The following GREM2 variants were observed in gnomAD, a reference collection of about 807,000 sequenced individuals.
The protein encoded by GREM2 is gremlin 2, DAN family BMP antagonist.
Under a neutral mutation model 14.2 loss-of-function variants are expected in GREM2, and 11 were observed. The ratio of observed to expected loss-of-function variants is 0.78; its 90% CI spans 0.49 to 1.28. The LOEUF (loss-of-function observed/expected upper bound fraction) is 1.28, where lower values mean the gene tolerates loss of function less well. Among genes scored for constraint, GREM2 ranks in the 50% most tolerant of loss-of-function variants. The pLI, the probability that GREM2 is intolerant of heterozygous loss-of-function variation, is 0.00. For missense variants in GREM2, 210 were observed against 218.5 expected, an observed-to-expected ratio of 0.96 and a Z score of 0.24; for synonymous variants, 98 against 97.6, an observed-to-expected ratio of 1.00 and a Z score of -0.02.
chr1:240,564,110 G>A (rs888420345), intron 1 of GREM2, among the ~76,000 whole-genome samples: 4 of 152,166 alleles, frequency 2.6e-5, no homozygotes, highest in Admixed American at 6.5e-5. Context: ...TCTGGAGGCT[G>A]AGGCAGGAGG....
At chr1:240,579,464 G>C in intron 1 of GREM2, among the ~76,000 whole-genome samples, 1 of 152,148 alleles carries the variant, frequency 6.6e-6, no homozygotes, top group Non-Finnish European at 1.5e-5. Flanking sequence ...CTACGTCACA[G>C]GGTAGAGGTG....
chr1:240,532,541 A>G (rs1332238961), intron 1 of GREM2, among the ~76,000 whole-genome samples: 1 of 152,208 alleles, frequency 6.6e-6, no homozygotes, highest in Non-Finnish European at 1.5e-5. Flanking sequence ...AGTACAATTT[A>G]AAGCAATCTG....
chr1:240,547,436 G>C (rs973902202), intron 1 of GREM2, among the ~76,000 whole-genome samples: 1 of 149,206 alleles, frequency 6.7e-6, no homozygotes, highest in Non-Finnish European at 1.5e-5. Context: ...GGAGGTGGAG[G>C]TTGCAGTGAG....
chr1:240,546,910 A>G (rs1272849715), intron 1 of GREM2, among the ~76,000 whole-genome samples: 1 of 152,236 alleles, frequency 6.6e-6, no homozygotes, highest in Non-Finnish European at 1.5e-5. Context: ...GTATAAAAAT[A>G]CATAGCAACA....
In GREM2 at chr1:240,489,631, T is replaced by A. The variant is rs1011998911; in HGVS notation, c.*3338A>T. 3 of 152,246 alleles carry A rather than the reference T, an allele frequency of 2.0e-5. No homozygotes were observed. The highest frequency in any genetic ancestry group is 7.2e-5 in the African/African-American group (3 of 41,464). 9.4% of individuals were successfully genotyped at this position (152,246 alleles called of 1,614,324 possible). A position where few individuals can be genotyped will look rare whatever the true frequency, so the allele number is the denominator to read the frequency against. ...TATTCCTTTACTTTCTTAATAAACT[T>A]GCTTTCACTTAAAAAATTTTCATTG... On this transcript the variant is annotated 3_prime_UTR_variant, in exon 2 of 2. Transcript: ENST00000318160.
intron 1 of GREM2, among the ~76,000 whole-genome samples, chr1:240,515,080 T>C (rs548639120): frequency 6.6e-6 from 1 of 152,170 alleles, no homozygotes; most frequent in Non-Finnish European, 1.5e-5. Flanking sequence ...AAACCATACC[T>C]ATAAGCAAGA....
intron 1 of GREM2, among the ~76,000 whole-genome samples, chr1:240,566,271 A>G (rs994013814): frequency 1.7e-4 from 26 of 152,222 alleles, no homozygotes; most frequent in African/African-American, 6.0e-4. Context: ...TGAAACAGTT[A>G]AAACCAATGC....
chr1:240,513,917 T>C (rs1677892241), intron 1 of GREM2, among the ~76,000 whole-genome samples: 1 of 151,706 alleles, frequency 6.6e-6, no homozygotes, highest in Admixed American at 6.6e-5. Flanking sequence ...ACTAGGGTGG[T>C]AGTGGAGAAA....
chr1:240,577,750 A>C (rs1047548192), intron 1 of GREM2, among the ~76,000 whole-genome samples: 1 of 152,238 alleles, frequency 6.6e-6, no homozygotes, highest in African/African-American at 2.4e-5. Flanking sequence ...TTTAAATCAT[A>C]ACTTATGGTT....
chr1:240,598,181 G>A (rs1296992861), intron 1 of GREM2, among the ~76,000 whole-genome samples: 1 of 152,148 alleles, frequency 6.6e-6, no homozygotes, highest in Non-Finnish European at 1.5e-5. Flanking sequence ...AATGCATACT[G>A]GTTTTCACGG....
intron 1 of GREM2, among the ~76,000 whole-genome samples, chr1:240,508,678 T>G (rs968234258): frequency 4.6e-5 from 7 of 152,232 alleles, no homozygotes; most frequent in Non-Finnish European, 1.0e-4. Context: ...CATTTTTCCA[T>G]AGAGCAAGTT....
At chr1:240,564,241 C>T (rs1679131993) in intron 1 of GREM2, among the ~76,000 whole-genome samples, 2 of 151,338 alleles carry the variant, frequency 1.3e-5, no homozygotes, top group Admixed American at 6.6e-5. Flanking sequence ...TGTGGTGGCT[C>T]ACGCCTGTAA....
At chr1:240,603,394 C>T (rs1558180566) in intron 1 of GREM2, among the ~76,000 whole-genome samples, 1 of 152,192 alleles carries the variant, frequency 6.6e-6, no homozygotes, top group African/African-American at 2.4e-5. Context: ...TCTTCTCTTT[C>T]TCTTGAGCCT....
At chr1:240,566,719 C>T (rs1679181189) in intron 1 of GREM2, among the ~76,000 whole-genome samples, 2 of 152,114 alleles carry the variant, frequency 1.3e-5, no homozygotes, top group African/African-American at 4.8e-5. Flanking sequence ...CACTGCTCCC[C>T]AGAACAAAAC....
chr1:240,554,367 C>T (rs1007493457), intron 1 of GREM2, among the ~76,000 whole-genome samples: 96 of 150,670 alleles, frequency 6.4e-4, no homozygotes, highest in African/African-American at 2.3e-3. Context: ...GCTGAGACCC[C>T]GCCACTGCAC....
intron 1 of GREM2, among the ~76,000 whole-genome samples, chr1:240,580,461 T>A (rs1679463543): frequency 6.6e-6 from 1 of 152,254 alleles, no homozygotes; most frequent in Non-Finnish European, 1.5e-5. Flanking sequence ...ATGTTCTTGT[T>A]TAAATAATTG....
chr1:240,547,499 C>CAAAAA (rs200373636), intron 1 of GREM2, among the ~76,000 whole-genome samples: 8 of 87,612 alleles, frequency 9.1e-5, no homozygotes, highest in East Asian at 6.8e-4. Context: ...GACTCCATCT[C>CAAAAA]AAAAAAAAAA....
At chr1:240,533,359 T>C (rs993822365) in intron 1 of GREM2, among the ~76,000 whole-genome samples, 7 of 152,142 alleles carry the variant, frequency 4.6e-5, no homozygotes, top group African/African-American at 1.7e-4. Context: ...TTCTGAGAAT[T>C]GAAAGTAGGT....
intron 1 of GREM2, among the ~76,000 whole-genome samples, chr1:240,596,995 C>T (rs950648150): frequency 6.6e-6 from 1 of 152,172 alleles, no homozygotes; most frequent in African/African-American, 2.4e-5. Context: ...CTGCTCTGTC[C>T]TTCTTTCTCA....
Sources: gnomAD v4.1 joint callset for allele counts (sites outside exome capture counted in the v4.1 genomes callset) on GRCh38, gnomAD v4.1.1 for gene constraint, MANE v1.5 for transcripts, NCBI Gene and HGNC (gene_info 2026-07-23, HGNC 2026-07-21) for gene names.